AMOT: variants seen among roughly 807,000 people sequenced by gnomAD.
The protein encoded by AMOT is angiomotin.
A neutral mutation model predicts 67.0 loss-of-function variants in AMOT; 11 were observed. The observed-to-expected ratio is 0.16, with a 90% CI of 0.10 to 0.27. AMOT has a LOEUF of 0.27. Among genes scored for constraint, AMOT ranks in the 10% least tolerant of loss-of-function variants. AMOT has a pLI of 1.00. For synonymous variants in AMOT, 326 were observed against 321.4 expected, an observed-to-expected ratio of 1.01 and a Z score of -0.15; for missense variants, 753 against 852.0, an observed-to-expected ratio of 0.88 and a Z score of 1.45.
At chrX:112,785,097 TG>T (rs1199118461) in intron 10 of AMOT, among the ~76,000 whole-genome samples, 1 of 111,923 alleles carries the variant, frequency 8.9e-6, no homozygotes, top group Non-Finnish European at 1.9e-5. Context: ...GCACAGTATT[TG>T]AACGAGCAAC....
chrX:112,840,462 AAAG>A lies in AMOT; in HGVS notation c.-302_-300del, dbSNP rs1455503308. 1 of 112,778 alleles carries A rather than the reference AAAG, an allele frequency of 8.9e-6. No individual in the cohort carries two copies. The highest frequency in any genetic ancestry group is 3.2e-5 in the African/African-American group (1 of 31,024). 9.3% of individuals were successfully genotyped at this position (112,778 alleles called of 1,213,427 possible). A position where few individuals can be genotyped will look rare whatever the true frequency, so the allele number is the denominator to read the frequency against. The stretch of plus-strand genomic sequence containing the variant: ...CCACGCGTCTCCTACCCCTGAAGGC[AAAG>A]AAGACAAGGTGACGACTCTCTGCTC... On this transcript the variant is annotated 5_prime_UTR_variant, in exon 1 of 14. Transcript: ENST00000371959.
chrX:112,822,210 G>C, intron 4 of AMOT, 45 bp downstream of exon 4: 1 of 1,071,791 alleles, frequency 9.3e-7, no homozygotes, highest in Non-Finnish European at 1.2e-6. Flanking sequence ...AGCAGAAGCT[G>C]GTTGGGGATG....
Position 112,815,742 on chromosome X carries a change from G to C in AMOT, c.1008C>G (p.His336Gln). ...GGTCTCCCTGGTTTGGGACCAAGGG[G>C]TGTCGGGCAGGAGACAATCTAGTGG... ...PPSTRLSPAR[H>Q]PLVPNQGDHS... The change falls in exon 5 of 14, where the codon CAC becomes CAG. Residue 336 changes from histidine (H) to glutamine (Q), a missense_variant. Physicochemically the swap from His to Gln is conservative, Grantham distance 24 (BLOSUM62 0). Coordinates refer to ENST00000371959, the MANE Select transcript of AMOT (RefSeq NM_001113490.2). The C allele has an allele frequency of 8.6e-7, 1 of 1,167,694 alleles. No homozygotes were observed. Among genetic ancestry groups the C allele is most frequent in the Middle Eastern group, 2.3e-4 (1 of 4,308 alleles).
rs1297771979 is a variant in AMOT at position 112,832,854 on chromosome X, A to G, written c.-288-484T>C. ...CTCAGGTGCTGACTGCAGGTGTGGC[A>G]TCCAGCAGGTGTATGGACAGGAGCC... is the stretch of plus-strand genomic sequence containing the variant. On this transcript the variant is annotated intron_variant, in intron 1 of 13. Transcript: ENST00000371959. 2.7e-5 allele frequency among the ~76,000 whole-genome samples: 3 copies of G among 111,154 alleles called. No individual in the cohort carries two copies. In the East Asian group the frequency reaches 8.5e-4, roughly 31 times the overall value.
At chrX:112,829,400 C>T (rs761664373) in intron 2 of AMOT, among the ~76,000 whole-genome samples, 5 of 111,326 alleles carry the variant, frequency 4.5e-5, no homozygotes, top group African/African-American at 1.6e-4. Context: ...CCCCCATCGC[C>T]TTCTGCCATG....
intron 1 of AMOT, among the ~76,000 whole-genome samples, chrX:112,835,689 A>G (rs1188042875): frequency 9.1e-6 from 1 of 109,793 alleles, no homozygotes; most frequent in Non-Finnish European, 1.9e-5. Flanking sequence ...AGGTTCAAGC[A>G]ATTTATTCCT....
At chrX:112,783,286 C>G (rs1244742300) in intron 10 of AMOT, among the ~76,000 whole-genome samples, 1 of 100,185 alleles carries the variant, frequency 1.0e-5, no homozygotes, top group African/African-American at 3.7e-5. Context: ...CAGAGGGAGA[C>G]TCTGTCTCAA....
intron 11 of AMOT, 34 bp from the exon 12 acceptor site, chrX:112,781,152 T>C (rs1378361018): frequency 2.6e-6 from 3 of 1,170,429 alleles, no homozygotes; most frequent in Non-Finnish European, 1.2e-6. Flanking sequence ...TATAAAGACC[T>C]TGTTGTGGGC....
chrX:112,817,433 A>T (rs1299452239), intron 4 of AMOT, among the ~76,000 whole-genome samples: 4 of 112,428 alleles, frequency 3.6e-5, no homozygotes, highest in African/African-American at 1.3e-4. Flanking sequence ...AGGAGCAATT[A>T]ACTTTTAACT....
intron 8 of AMOT, among the ~76,000 whole-genome samples, chrX:112,802,286 CAA>C (rs774399450): frequency 8.9e-6 from 1 of 112,017 alleles, no homozygotes; most frequent in African/African-American, 3.2e-5. Flanking sequence ...AGCAGCAAAG[CAA>C]AACTTTAATT....
Position 112,809,981 on chromosome X carries a change from G to T in AMOT, c.1543C>A (p.Leu515Ile). The change falls in exon 7 of 14, where the codon CTA (leucine) becomes ATA (isoleucine). Residue 515 changes from leucine (L) to isoleucine (I), a missense_variant. Physicochemically the swap from Leu to Ile is conservative, Grantham distance 5. Coordinates refer to ENST00000371959, the MANE Select transcript of AMOT (RefSeq NM_001113490.2). ...HDFNRDLRER[L>I]ETANKQLAEK... ...GCAAGCTGCTTGTTGGCAGTCTCTA[G>T]ACGCTCTGTGAAATTTGGAGACAAT... 8.3e-7 allele frequency: 1 copy of T among 1,206,343 alleles called. No individual in the cohort carries two copies. Among genetic ancestry groups the T allele is most frequent in the Non-Finnish European group, 1.1e-6 (1 of 891,490 alleles).
At chrX:112,786,324 G>A in intron 10 of AMOT, among the ~76,000 whole-genome samples, 1 of 112,227 alleles carries the variant, frequency 8.9e-6, no homozygotes, top group Non-Finnish European at 1.9e-5. Flanking sequence ...TTCTGAGAAA[G>A]GTAGCAACCT....
chrX:112,830,826 A>C (rs1934969108), intron 2 of AMOT, among the ~76,000 whole-genome samples: 4 of 112,128 alleles, frequency 3.6e-5, no homozygotes. Context: ...AGCTTATATC[A>C]TCTTTCATTT....
chrX:112,829,434 G>A (rs1465277792), intron 2 of AMOT, among the ~76,000 whole-genome samples: 4 of 111,196 alleles, frequency 3.6e-5, no homozygotes, highest in African/African-American at 9.8e-5. Flanking sequence ...TGAGGCCCCC[G>A]CCCCAAAGCC....
chrX:112,784,320 A>C (rs1462562076), intron 10 of AMOT, among the ~76,000 whole-genome samples: 1 of 112,445 alleles, frequency 8.9e-6, no homozygotes, highest in Non-Finnish European at 1.9e-5. Flanking sequence ...ATGACCTCTG[A>C]AAGTCAAATT....
chrX:112,820,307 G>C (rs1011836716), intron 4 of AMOT, among the ~76,000 whole-genome samples: 1 of 111,299 alleles, frequency 9.0e-6, no homozygotes, highest in Non-Finnish European at 1.9e-5. Context: ...CAGAAAGAAA[G>C]AGAAATCCAC....
chrX:112,809,886 A>C lies in AMOT; in HGVS notation c.1630+8T>G. 3 of 1,207,441 alleles carry C rather than the reference A, an allele frequency of 2.5e-6. No homozygotes were observed. Among genetic ancestry groups the C allele is most frequent in the Non-Finnish European group, 3.4e-6 (3 of 891,856 alleles). ...GTTAATACCTGTTTCTGCAGCTTGC[A>C]GACTTACTTTTTGCAAAGAGCTGCG... On this transcript the variant is annotated splice_region_variant and intron_variant, in intron 7 of 13. Transcript: ENST00000371959.
rs188395614 is a variant in AMOT, at chrX:112,779,287, G to A, written c.2867C>T (p.Ala956Val). ...AGCAGCAGAAGGAGCAACGGCAGCA[G>A]CTGAGGCAACAGAGGCAGCAGCTGG... is the stretch of plus-strand genomic sequence containing the variant. The part of the protein sequence containing the change: ...QIPAAASVAS[A>V]AAVAPSAAAA... Residue 956 changes from alanine to valine, a missense_variant, in exon 13 of 14, where the codon GCT becomes GTT. Ala to Val is a moderately conservative substitution (Grantham distance 64, BLOSUM62 0). Coordinates refer to ENST00000371959, the MANE Select transcript of AMOT (RefSeq NM_001113490.2). 1.5e-6 allele frequency: 1 copy of A among 665,948 alleles called. No individual in the cohort carries two copies. The highest frequency in any genetic ancestry group is 2.3e-5 in the South Asian group (1 of 43,872). 54.9% of individuals were successfully genotyped at this position (665,948 alleles called of 1,213,427 possible).
intron 11 of AMOT, among the ~76,000 whole-genome samples, chrX:112,782,000 T>C (rs1388477171): frequency 9.0e-6 from 1 of 111,576 alleles, no homozygotes; most frequent in Non-Finnish European, 1.9e-5. Flanking sequence ...GCAATTCTCC[T>C]GCCTCGGCCT....
Sources: gnomAD v4.1 joint callset for allele counts (sites outside exome capture counted in the v4.1 genomes callset) on GRCh38, gnomAD v4.1.1 for gene constraint, MANE v1.5 for transcripts, NCBI Gene and HGNC (gene_info 2026-07-23, HGNC 2026-07-21) for gene names.